DISP1: variants seen among roughly 807,000 people sequenced by gnomAD.
The protein encoded by DISP1 is protein dispatched homolog 1.
In DISP1, 30 loss-of-function variants were observed where a neutral mutation model predicts 37.3. The ratio of observed to expected loss-of-function variants is 0.80; its 90% confidence interval spans 0.60 to 1.09. The LOEUF (loss-of-function observed/expected upper bound fraction) is 1.09, where lower values mean the gene tolerates loss of function less well. DISP1 is among the 50% of genes least tolerant of loss of function. The pLI, the probability that DISP1 is intolerant of heterozygous loss-of-function variation, is 0.00. For synonymous variants in DISP1, 634 were observed against 690.2 expected (o/e 0.92, Z 1.28); for missense variants, 1,598 against 1,879.5 (o/e 0.85, Z 2.77).
chr1:222,902,960 C>T (rs1671681959), intron 1 of DISP1, among the ~76,000 whole-genome samples: 1 of 151,666 alleles, frequency 6.6e-6, no homozygotes, highest in South Asian at 2.1e-4. Flanking sequence ...GGTATATACC[C>T]AAAGGACTAT....
At chr1:222,873,603 C>CT (rs1558305159) in intron 1 of DISP1, among the ~76,000 whole-genome samples, 1 of 151,974 alleles carries the variant, frequency 6.6e-6, no homozygotes, top group African/African-American at 2.4e-5. Flanking sequence ...CAACCCCTGC[C>CT]TTTTTTTGTT....
chr1:222,963,088 AAAC>A (rs1199996042), intron 3 of DISP1, among the ~76,000 whole-genome samples: 1 of 152,188 alleles, frequency 6.6e-6, no homozygotes, highest in African/African-American at 2.4e-5. Flanking sequence ...TATAAGGAAA[AAAC>A]AACCCCATCA....
In DISP1 at chr1:222,959,437, A is replaced by C. The variant is rs369610815; in HGVS notation, c.509+16105A>C. 1.1e-4 allele frequency among the ~76,000 whole-genome samples: 16 copies of C among 152,244 alleles called. No individual in the cohort carries two copies. The East Asian group carries it at 2.7e-3, about 26-fold the overall frequency. ...TACTGTTGGCTGGGCACGGTGGCTC[A>C]CACCTGTAATCCCAGCACTTTGGGA... On this transcript the variant is annotated intron_variant, in intron 3 of 8. Coordinates refer to ENST00000675850, the MANE Select transcript of DISP1 (RefSeq NM_001377229.1).
intron 2 of DISP1, among the ~76,000 whole-genome samples, chr1:222,941,207 A>G (rs17536944): frequency 0.27 from 40,546 of 152,100 alleles, 5,758 homozygotes; most frequent in Middle Eastern, 0.37. Context: ...AGTTTAGATA[A>G]TACATTAACT....
At chr1:222,849,244 G>T (rs1469270712) in intron 1 of DISP1, among the ~76,000 whole-genome samples, 2 of 152,116 alleles carry the variant, frequency 1.3e-5, no homozygotes, top group Non-Finnish European at 2.9e-5. Flanking sequence ...CCACACCTGT[G>T]ACAAGATTAT....
rs200592414 is a variant in DISP1, at chr1:223,002,803, T to C, written c.1406T>C (p.Leu469Ser). 6.4e-5 allele frequency: 104 copies of C among 1,613,996 alleles called. No individual in the cohort carries two copies. Among genetic ancestry groups the C allele is most frequent in the Non-Finnish European group, 8.1e-5 (95 of 1,180,034 alleles). ...GGGGAGAGCATGATGAACATTTACT[T>C]GGACAACTTTGAAAACTGGAACTCT... ...EKGESMMNIYLDNFENWNSSD... is the reference protein window; with the variant it reads ...EKGESMMNIYSDNFENWNSSD... Residue 469 changes from leucine to serine, a missense_variant, in exon 9 of 9, where the codon TTG (leucine) becomes TCG (serine). Leu to Ser is a moderately radical substitution (Grantham distance 145). Transcript: ENST00000675850.
chr1:222,981,595 A>C (rs1677842229), intron 3 of DISP1, among the ~76,000 whole-genome samples: 1 of 152,240 alleles, frequency 6.6e-6, no homozygotes, highest in Non-Finnish European at 1.5e-5. Flanking sequence ...ACTAGGAATT[A>C]GATAAATGTT....
rs182246052 is a variant in DISP1 at position 222,886,401 on chromosome 1, A to T, written c.-158-42029A>T. ...TGTAGTCATGAAATGTTTATTGAGC[A>T]TCTACTATGTGCTTAAAAATCACAT... On this transcript the variant is annotated intron_variant, in intron 1 of 8. Transcript: ENST00000675850. Among the ~76,000 whole-genome samples, 587 of 152,342 alleles carry T rather than the reference A, an allele frequency of 3.9e-3. 2 individuals are homozygous for T. The highest frequency in any genetic ancestry group is 0.013 in the African/African-American group (543 of 41,586).
rs142233630 is a variant in DISP1, at chr1:222,829,920, A to G, written c.-159+14842A>G. Among the ~76,000 whole-genome samples, 20 of 152,304 alleles carry G rather than the reference A, an allele frequency of 1.3e-4. 1 individual carries two copies. The East Asian group carries it at 3.9e-3, about 29-fold the overall frequency. ...CTTAACCCACATTTTTTAATGGGTT[A>G]AGGTTAATGTTTTGTGGGTTTTTTT... is the stretch of plus-strand genomic sequence containing the variant. On this transcript the variant is annotated intron_variant, in intron 1 of 8. Transcript: ENST00000675850.
intron 3 of DISP1, among the ~76,000 whole-genome samples, chr1:222,980,069 A>C (rs1401292782): frequency 6.6e-6 from 1 of 152,172 alleles, no homozygotes; most frequent in African/African-American, 2.4e-5. Flanking sequence ...AAATCATCAA[A>C]ATTTAGTTGT....
intron 1 of DISP1, chr1:222,837,321 C>G (rs1357611614): frequency 2.7e-6 from 1 of 373,140 alleles, no homozygotes; most frequent in Non-Finnish European, 4.7e-6. Context: ...GTCTCTCCAC[C>G]CTAGGTTATC....
chr1:222,937,905 G>A (rs965563924), intron 2 of DISP1, among the ~76,000 whole-genome samples: 3 of 147,628 alleles, frequency 2.0e-5, no homozygotes, highest in Non-Finnish European at 3.0e-5. Context: ...ACAGGGTCTC[G>A]TTCTACCACC....
intron 1 of DISP1, among the ~76,000 whole-genome samples, chr1:222,839,109 C>T (rs1402755301): frequency 6.6e-6 from 1 of 152,066 alleles, no homozygotes; most frequent in Non-Finnish European, 1.5e-5. Context: ...CAGGGGTCCC[C>T]AACTCCCAGG....
intron 1 of DISP1, chr1:222,835,285 A>G (rs896656997): frequency 6.6e-6 from 1 of 152,210 alleles, no homozygotes; most frequent in African/African-American, 2.4e-5. Flanking sequence ...TACTTGACAG[A>G]TAATTAATGG....
At chr1:222,822,965 TTAGC>T (rs1663326858) in intron 1 of DISP1, among the ~76,000 whole-genome samples, 1 of 152,218 alleles carries the variant, frequency 6.6e-6, no homozygotes, top group African/African-American at 2.4e-5. Context: ...CTCGTAACTG[TTAGC>T]TAGTCTGAAT....
At chr1:222,857,501 G>A (rs185941884) in intron 1 of DISP1, among the ~76,000 whole-genome samples, 90 of 152,286 alleles carry the variant, frequency 5.9e-4, no homozygotes, top group African/African-American at 2.1e-3. Context: ...ATCTCTGTTT[G>A]CAGATGACAT....
rs146870550 is a variant in DISP1 at position 222,946,156 on chromosome 1, G to C, written c.509+2824G>C. 9.9e-3 allele frequency among the ~76,000 whole-genome samples: 1,491 copies of C among 150,490 alleles called. 19 individuals carry two copies. The highest frequency in any genetic ancestry group is 0.034 in the African/African-American group (1,406 of 40,894). On this transcript the variant is annotated intron_variant, in intron 3 of 8. Coordinates refer to ENST00000675850, the MANE Select transcript of DISP1 (RefSeq NM_001377229.1). ...TGGGAGGCGGAGGCAGGCAGATCGC[G>C]AGGTCAGGAGGTCGAGACCATCCTA...
At chr1:222,817,111 A>C (rs1202305786) in intron 1 of DISP1, among the ~76,000 whole-genome samples, 1 of 152,174 alleles carries the variant, frequency 6.6e-6, no homozygotes, top group Non-Finnish European at 1.5e-5. Context: ...ATTCCGGAAA[A>C]TCTTTGGAAT....
intron 3 of DISP1, among the ~76,000 whole-genome samples, chr1:222,970,325 A>C (rs1676839884): frequency 6.6e-6 from 1 of 151,910 alleles, no homozygotes; most frequent in African/African-American, 2.4e-5. Context: ...AGCATTTTTG[A>C]GCTCTTTTTT....
Sources: gnomAD v4.1 joint callset for allele counts (sites outside exome capture counted in the v4.1 genomes callset) on GRCh38, gnomAD v4.1.1 for gene constraint, MANE v1.5 for transcripts, NCBI Gene and HGNC (gene_info 2026-07-23, HGNC 2026-07-21) for gene names.